Variants in PALM2AKAP2 observed in about 807,000 individuals in gnomAD.
PALM2AKAP2 encodes the protein PALM2 and AKAP2 fusion, also known as PALM2-AKAP2 fusion protein.
A neutral mutation model predicts 71.5 loss-of-function variants in PALM2AKAP2; 37 were observed. The ratio of observed to expected loss-of-function variants is 0.52; its 90% CI spans 0.40 to 0.68. The LOEUF (loss-of-function observed/expected upper bound fraction) is 0.68, where lower values mean the gene tolerates loss of function less well. PALM2AKAP2 is among the 30% of genes least tolerant of loss of function. The pLI is 0.00. For synonymous variants in PALM2AKAP2, 468 were observed against 478.8 expected, an observed-to-expected ratio of 0.98 and a Z score of 0.29; for missense variants, 1,224 against 1,191.8, an observed-to-expected ratio of 1.03 and a Z score of -0.40.
intron 1 of PALM2AKAP2, among the ~76,000 whole-genome samples, chr9:109,860,005 C>T (rs571747136): frequency 6.3e-4 from 96 of 152,332 alleles, no homozygotes; most frequent in Non-Finnish European, 1.1e-3. Flanking sequence ...ATTTAGCTAA[C>T]TACATAGGAA....
rs571032276 is a variant in PALM2AKAP2 at position 110,065,784 on chromosome 9, C to G, written c.156+16929C>G. Among the ~76,000 whole-genome samples the G allele has an allele frequency of 9.9e-5, 15 of 152,282 alleles. 1 individual carries two copies. The South Asian group carries it at 2.5e-3, about 25-fold the overall frequency. On this transcript the variant is annotated intron_variant, in intron 1 of 3. Transcript: ENST00000374525. ...CTATGAAGTTGTCTACTCTAGTAACCTCATATAAGTGAAATCACGTATTTG... is the reference window on the plus strand; with the variant it reads ...CTATGAAGTTGTCTACTCTAGTAACGTCATATAAGTGAAATCACGTATTTG...
intron 1 of PALM2AKAP2, among the ~76,000 whole-genome samples, chr9:110,088,180 A>G (rs950227454): frequency 6.6e-6 from 1 of 150,888 alleles, no homozygotes; most frequent in African/African-American, 2.5e-5. Context: ...GACTGGTTAC[A>G]GAATTGTCTG....
intron 6 of PALM2AKAP2, among the ~76,000 whole-genome samples, chr9:109,970,299 G>A (rs141667081): frequency 6.6e-6 from 1 of 152,120 alleles, no homozygotes; most frequent in Non-Finnish European, 1.5e-5. Context: ...GTTATTAAGG[G>A]TTCTAAACAT....
intron 1 of PALM2AKAP2, among the ~76,000 whole-genome samples, chr9:109,803,102 G>GC (rs1827477579): frequency 6.9e-6 from 1 of 144,760 alleles, no homozygotes; most frequent in Non-Finnish European, 1.6e-5. Context: ...AGGTTTTTGG[G>GC]GAAAAAAAAA....
intron 1 of PALM2AKAP2, among the ~76,000 whole-genome samples, chr9:109,666,327 C>T (rs1827485122): frequency 6.6e-6 from 1 of 152,172 alleles, no homozygotes; most frequent in Admixed American, 6.5e-5. Flanking sequence ...TTGGAAAGCC[C>T]TCACAAAGTA....
chr9:110,059,035 G>A (rs1324448868), intron 1 of PALM2AKAP2, among the ~76,000 whole-genome samples: 1 of 151,782 alleles, frequency 6.6e-6, no homozygotes, highest in East Asian at 1.9e-4. Flanking sequence ...TAGTAGCAGG[G>A]ATTACAGGCA....
At chr9:109,917,743 C>T (rs1384266422) in intron 3 of PALM2AKAP2, among the ~76,000 whole-genome samples, 2 of 152,172 alleles carry the variant, frequency 1.3e-5, no homozygotes, top group Non-Finnish European at 2.9e-5. Context: ...ATCCTCCAGC[C>T]TCAGTCTCCC....
intron 1 of PALM2AKAP2, among the ~76,000 whole-genome samples, chr9:109,647,491 A>T (rs1827170906): frequency 6.6e-6 from 1 of 152,236 alleles, no homozygotes; most frequent in African/African-American, 2.4e-5. Context: ...GTGAATATGC[A>T]CATTGTGAAT....
chr9:109,784,743 T>G (rs1038174489), intron 1 of PALM2AKAP2, among the ~76,000 whole-genome samples: 24 of 152,250 alleles, frequency 1.6e-4, no homozygotes, highest in East Asian at 1.5e-3. Flanking sequence ...CATTGGAGCC[T>G]TTGCTTTGAC....
intron 1 of PALM2AKAP2, among the ~76,000 whole-genome samples, chr9:110,088,703 G>GTTT (rs71373964): frequency 0.02 from 1,535 of 75,290 alleles, 174 homozygotes; most frequent in East Asian, 0.071. Context: ...GCATTTACGT[G>GTTT]TTTTTTTTTT....
chr9:109,767,417 G>T lies in PALM2AKAP2; in HGVS notation c.6-13071G>T, dbSNP rs10816861. Among the ~76,000 whole-genome samples, 1,519 of 152,344 alleles carry T rather than the reference G, an allele frequency of 1.0e-2. 11 individuals carry two copies. Among genetic ancestry groups the T allele is most frequent in the Non-Finnish European group, 0.016 (1,057 of 68,034 alleles). ...GATTAGGGCGTGGGCATCTTTGGAG[G>T]CTGTTGCCCCATCTACCCCTACCAC... is the stretch of plus-strand genomic sequence containing the variant. On this transcript the variant is annotated intron_variant, in intron 1 of 6. Transcript: ENST00000374531.
At chr9:109,771,063 A>G (rs2118765735) in intron 1 of PALM2AKAP2, among the ~76,000 whole-genome samples, 1 of 152,244 alleles carries the variant, frequency 6.6e-6, no homozygotes, top group East Asian at 1.9e-4. Context: ...AAGTAGCTTC[A>G]TCACATGCAA....
At chr9:110,014,803 AATGTATATATAT>A (rs1261780605) in intron 6 of PALM2AKAP2, among the ~76,000 whole-genome samples, 183 of 16,016 alleles carry the variant, frequency 0.011, 18 homozygotes, top group East Asian at 0.037. Flanking sequence ...AAAAAAAAAA[AATGTATATATAT>A]ATATATATAT....
chr9:109,668,915 A>G (rs1472689681), intron 1 of PALM2AKAP2, among the ~76,000 whole-genome samples: 2 of 152,214 alleles, frequency 1.3e-5, no homozygotes, highest in Admixed American at 6.5e-5. Context: ...GTGATCATCA[A>G]CAGCTGGGAC....
At chr9:109,655,011 C>T (rs139532340) in intron 1 of PALM2AKAP2, among the ~76,000 whole-genome samples, 11 of 152,182 alleles carry the variant, frequency 7.2e-5, no homozygotes, top group Non-Finnish European at 1.3e-4. Flanking sequence ...GGGCAGGGGC[C>T]GGGCGCGGTG....
At chr9:110,024,404 GAT>G (rs1833134779) in intron 7 of PALM2AKAP2, among the ~76,000 whole-genome samples, 2 of 149,786 alleles carry the variant, frequency 1.3e-5, no homozygotes, top group East Asian at 3.9e-4. Flanking sequence ...GGATGATGAT[GAT>G]TTTTTTTTTT....
At chr9:109,751,916 A>G (rs1301118595) in intron 1 of PALM2AKAP2, among the ~76,000 whole-genome samples, 1 of 152,176 alleles carries the variant, frequency 6.6e-6, no homozygotes, top group Non-Finnish European at 1.5e-5. Flanking sequence ...GTGGTTGGCC[A>G]TTCAAAGTGT....
chr9:110,010,025 C>T (rs1250227955), intron 6 of PALM2AKAP2, among the ~76,000 whole-genome samples: 1 of 152,208 alleles, frequency 6.6e-6, no homozygotes, highest in Non-Finnish European at 1.5e-5. Flanking sequence ...TGGACTTATT[C>T]CTCTGACTGT....
intron 6 of PALM2AKAP2, among the ~76,000 whole-genome samples, chr9:109,981,951 A>G (rs1175872506): frequency 2.0e-5 from 3 of 152,246 alleles, no homozygotes; most frequent in Non-Finnish European, 2.9e-5. Flanking sequence ...TGATGGGTAT[A>G]TACCCAAAAG....
Sources: allele counts gnomAD v4.1 joint callset (sites outside exome capture counted in the v4.1 genomes callset), GRCh38; gene constraint gnomAD v4.1.1; transcripts MANE v1.5; gene names NCBI Gene and HGNC (gene_info 2026-07-23, HGNC 2026-07-21).